The following MELK variants were observed in gnomAD, a reference collection of about 807,000 sequenced individuals.
MELK encodes the protein pEg3 kinase.
A neutral mutation model predicts 85.0 loss-of-function variants in MELK; 81 were observed. That is an observed-to-expected ratio of 0.95 (90% CI 0.80 to 1.15). MELK has a LOEUF of 1.15. Ranked by LOEUF, MELK falls within the 50% of genes most tolerant of loss-of-function variation. MELK has a pLI of 0.00. For missense variants in MELK, 754 were observed against 777.5 expected, an observed-to-expected ratio of 0.97 and a Z score of 0.36; for synonymous variants, 252 against 265.0, an observed-to-expected ratio of 0.95 and a Z score of 0.48.
At position 36,636,362 on chromosome 9, in the gene MELK, C is replaced by T. The variant is rs1031629264; in HGVS notation, c.834+3162C>T. ...TAGTAAAAATACAAAATCAGCTGGG[C>T]GTGGTGGTGCATGCCTGTAATCCCA... On this transcript the variant is annotated intron_variant, in intron 10 of 17. Transcript: ENST00000298048. 2.6e-5 allele frequency among the ~76,000 whole-genome samples: 4 copies of T among 151,950 alleles called. No individual in the cohort carries two copies. In the South Asian group the frequency reaches 8.3e-4, roughly 32 times the overall value.
intron 8 of MELK, 35 bp from the exon 9 acceptor site, chr9:36,630,264 T>C (rs1441616710): frequency 6.5e-7 from 1 of 1,541,688 alleles, no homozygotes; most frequent in South Asian, 1.1e-5. Context: ...CAAGGCTGAT[T>C]GAACCTGAAT....
At chr9:36,608,184 G>T (rs1482119058) in intron 8 of MELK, among the ~76,000 whole-genome samples, 1 of 149,494 alleles carries the variant, frequency 6.7e-6, no homozygotes, top group Non-Finnish European at 1.5e-5. Flanking sequence ...GGAGGCTGAG[G>T]CAGGAGAATG....
Position 36,671,008 on chromosome 9 carries a change from G to A in MELK, c.1516G>A (p.Val506Met). Residue 506 changes from valine (V) to methionine (M), a missense_variant, in exon 16 of 18, where the codon GTG becomes ATG. By Grantham distance (21) the Val-to-Met change is conservative. Coordinates refer to ENST00000298048, the MANE Select transcript of MELK (RefSeq NM_014791.4). Reference protein sequence around the residue: ...VISPERRCRSVELDLNQAHME... With the variant: ...VISPERRCRSMELDLNQAHME... ...TATGTTTTGTTTCAGGTGCCGCTCA[G>A]TGGAATTGGATCTCAACCAAGCACA... The A allele has an allele frequency of 6.2e-7, 1 of 1,609,500 alleles. No individual in the cohort carries two copies. Among genetic ancestry groups the A allele is most frequent in the Non-Finnish European group, 8.5e-7 (1 of 1,178,320 alleles).
At position 36,662,016 on chromosome 9, in the gene MELK, TTTGAA is replaced by T. The variant is rs375207349; in HGVS notation, c.1177-3329_1177-3325del. 5.0e-3 allele frequency among the ~76,000 whole-genome samples: 764 copies of T among 151,612 alleles called. 11 individuals are homozygous for T. The highest frequency in any genetic ancestry group is 0.017 in the African/African-American group (706 of 41,442). Reference sequence around the variant, plus strand: ...GGTATGCAAACTGAAAATCTTGTCTTTTGAATTGAGCGCTTACCCAACTTATTTTT... The same window carrying T: ...GGTATGCAAACTGAAAATCTTGTCTTTTGAGCGCTTACCCAACTTATTTTT... On this transcript the variant is annotated intron_variant, in intron 13 of 17. Coordinates refer to ENST00000298048, the MANE Select transcript of MELK (RefSeq NM_014791.4).
chr9:36,626,177 C>T (rs1472601849), intron 8 of MELK, among the ~76,000 whole-genome samples: 1 of 152,112 alleles, frequency 6.6e-6, no homozygotes, highest in Admixed American at 6.6e-5. Context: ...TGGAATGTAA[C>T]AAAGAGCCCA....
chr9:36,607,801 T>A, intron 8 of MELK, 128 bp downstream of exon 8: 1 of 720,544 alleles, frequency 1.4e-6, no homozygotes. Flanking sequence ...AAAATCTTAG[T>A]TATTCTTTGG....
At chr9:36,659,413 CCCT>C (rs1831577541) in intron 13 of MELK, among the ~76,000 whole-genome samples, 2 of 152,094 alleles carry the variant, frequency 1.3e-5, no homozygotes, top group African/African-American at 4.8e-5. Flanking sequence ...CAGATTTATC[CCCT>C]CCTCAGGATT....
In MELK at chr9:36,636,794, T is replaced by TCTG. The variant is rs1376599498; in HGVS notation, c.834+3594_834+3595insCTG. On this transcript the variant is annotated intron_variant, in intron 10 of 17. Coordinates refer to ENST00000298048, the MANE Select transcript of MELK (RefSeq NM_014791.4). ...TTTCTTTCTTTCTTTCTGTCTGTCT[T>TCTG]TCTTTCTTTCTGTCTTTCTTTCTTT... Among the ~76,000 whole-genome samples the TCTG allele has an allele frequency of 4.5e-3, 403 of 88,664 alleles. 9 individuals are homozygous for TCTG. Among genetic ancestry groups the TCTG allele is most frequent in the African/African-American group, 0.017 (359 of 21,586 alleles). The allele number at this position is 88,664 out of a possible 152,430, so 58.2% of individuals were successfully genotyped here.
At chr9:36,629,208 A>T (rs1349609088) in intron 8 of MELK, among the ~76,000 whole-genome samples, 1 of 152,128 alleles carries the variant, frequency 6.6e-6, no homozygotes, top group Non-Finnish European at 1.5e-5. Flanking sequence ...TAATTTTGGT[A>T]TGTTCTATGA....
intron 14 of MELK, among the ~76,000 whole-genome samples, chr9:36,666,629 CT>C (rs774998127): frequency 2.2e-4 from 34 of 152,288 alleles, no homozygotes; most frequent in Admixed American, 3.3e-4. Flanking sequence ...GCCATGTGAA[CT>C]GCTGGGAAAC....
chr9:36,672,700 G>T (rs1324071307), intron 16 of MELK, among the ~76,000 whole-genome samples: 1 of 152,016 alleles, frequency 6.6e-6, no homozygotes, highest in Non-Finnish European at 1.5e-5. Context: ...GCCTACCCTG[G>T]CAACCTCACA....
chr9:36,628,252 C>T (rs1828130657), intron 8 of MELK, among the ~76,000 whole-genome samples: 1 of 152,118 alleles, frequency 6.6e-6, no homozygotes, highest in Admixed American at 6.6e-5. Flanking sequence ...TCATGTATGG[C>T]CAACTGGACC....
At chr9:36,665,049 G>T (rs56959343) in intron 13 of MELK, among the ~76,000 whole-genome samples, 2,914 of 152,182 alleles carry the variant, frequency 0.019, 82 homozygotes, top group African/African-American at 0.063. Context: ...GACTATCTAG[G>T]TATGGAAAGC....
rs757324107 is a variant in MELK at position 36,677,289 on chromosome 9, G to A, written c.1908G>A (p.Trp636Ter). The A allele has an allele frequency of 6.2e-7, 1 of 1,613,898 alleles. No individual in the cohort carries two copies. The highest frequency in any genetic ancestry group is 2.2e-5 in the East Asian group (1 of 44,876). ...GGCAGCGGCTTAAGGGCGATGCCTGGGTTTACAAAAGATTAGTGGAAGACA... is the reference window on the plus strand; with the variant it reads ...GGCAGCGGCTTAAGGGCGATGCCTGAGTTTACAAAAGATTAGTGGAAGACA... ...IRRQRLKGDAWVYKRLVEDIL... is the reference protein window; with the variant it reads ...IRRQRLKGDA The change falls in exon 18 of 18, where the codon TGG (tryptophan) becomes TGA (stop). Residue 636 changes from tryptophan to a stop codon, truncating the protein, a stop_gained. Transcript: ENST00000298048. LOFTEE classifies it high-confidence loss of function.
At chr9:36,669,258 C>G in intron 14 of MELK, 52 bp from the exon 15 acceptor site, 2 of 1,214,780 alleles carry the variant, frequency 1.6e-6, no homozygotes, top group Non-Finnish European at 2.3e-6. Context: ...ATAGAAATTT[C>G]AGAACCATAG....
In MELK at chr9:36,584,007, A is replaced by T. The variant is rs1822553139; in HGVS notation, c.144+295A>T. Reference sequence around the variant, plus strand: ...CCATCTTTCTTTTCTTTTCTTTATTATTTTTTATTTTTTTTTGAGACGGAG... The same window carrying T: ...CCATCTTTCTTTTCTTTTCTTTATTTTTTTTTATTTTTTTTTGAGACGGAG... On this transcript the variant is annotated intron_variant, in intron 3 of 17. Coordinates refer to ENST00000298048, the MANE Select transcript of MELK (RefSeq NM_014791.4). Among the ~76,000 whole-genome samples the T allele has an allele frequency of 2.0e-5, 3 of 151,678 alleles. No homozygotes were observed. The South Asian group carries it at 6.3e-4, about 32-fold the overall frequency.
chr9:36,586,799 A>T (rs1822962444), intron 3 of MELK, among the ~76,000 whole-genome samples: 1 of 152,250 alleles, frequency 6.6e-6, no homozygotes, highest in Admixed American at 6.5e-5. Context: ...TGTTGTTATT[A>T]TGCTCATTTT....
chr9:36,634,175 TCTCAGTAGAAAAGTCTTTAA>T (rs1828894788), intron 10 of MELK, among the ~76,000 whole-genome samples: 1 of 152,236 alleles, frequency 6.6e-6, no homozygotes, highest in African/African-American at 2.4e-5. Context: ...TCACTACTGA[TCTCAGTAGAAAAGTCTTTAA>T]CTATTGGAAA....
chr9:36,649,518 C>T (rs563994064), intron 11 of MELK, among the ~76,000 whole-genome samples: 5 of 151,642 alleles, frequency 3.3e-5, no homozygotes, highest in Non-Finnish European at 7.4e-5. Flanking sequence ...GTAAACCCAG[C>T]ACTTTGGGAG....
Sources: allele counts gnomAD v4.1 joint callset (sites outside exome capture counted in the v4.1 genomes callset), GRCh38; gene constraint gnomAD v4.1.1; transcripts MANE v1.5; gene names NCBI Gene and HGNC (gene_info 2026-07-23, HGNC 2026-07-21).